Variants in ADH1B observed in about 807,000 individuals in gnomAD.
ADH1B encodes the protein alcohol dehydrogenase 1B (class I), beta polypeptide, also known as all-trans-retinol dehydrogenase [NAD(+)] ADH1B.
ADH1B carries 29 observed loss-of-function variants against 34.6 expected under a neutral mutation model. The observed-to-expected ratio is 0.84, with a 90% CI of 0.62 to 1.14. ADH1B has a LOEUF of 1.14. Among genes scored for constraint, ADH1B ranks in the 50% most tolerant of loss-of-function variants. ADH1B has a pLI of 0.00. For synonymous variants in ADH1B, 170 were observed against 175.5 expected (o/e 0.97, Z 0.25); for missense variants, 424 against 468.4 (o/e 0.91, Z 0.87).
intron 8 of ADH1B, among the ~76,000 whole-genome samples, chr4:99,308,275 T>C (rs1560525711): frequency 1.3e-5 from 2 of 151,346 alleles, no homozygotes; most frequent in Admixed American, 6.6e-5. Context: ...ACATCAACAC[T>C]AAGAGGTAGG....
intron 5 of ADH1B, 131 bp downstream of exon 5, chr4:99,315,767 G>A (rs1254385807): frequency 3.1e-5 from 35 of 1,113,566 alleles, no homozygotes; most frequent in Non-Finnish European, 4.3e-5. Context: ...ATTCTTTCTG[G>A]GCCATTTTTC....
chr4:99,313,562 A>C (rs1733803026), intron 6 of ADH1B: 1 of 474,182 alleles, frequency 2.1e-6, no homozygotes, highest in African/African-American at 2.0e-5. Flanking sequence ...TAATAAAGTA[A>C]ATCTATAATT....
intron 2 of ADH1B, 37 bp downstream of exon 2, chr4:99,318,748 A>T (rs1465026616): frequency 1.3e-6 from 2 of 1,570,930 alleles, no homozygotes; most frequent in Admixed American, 1.8e-5. Flanking sequence ...TGAGTTTTTT[A>T]AATGTAAAAT....
At chr4:99,314,500 C>T (rs1733830834) in intron 5 of ADH1B, 1 of 180,500 alleles carries the variant, frequency 5.5e-6, no homozygotes, top group Admixed American at 5.5e-5. Context: ...CCTTGATAGC[C>T]AGCTTCAGTA....
intron 8 of ADH1B, among the ~76,000 whole-genome samples, chr4:99,309,613 A>G (rs2110629520): frequency 6.6e-6 from 1 of 152,312 alleles, no homozygotes; most frequent in Non-Finnish European, 1.5e-5. Context: ...ACTGATAACT[A>G]ACCTTTGATG....
chr4:99,312,173 T>C (rs772468289), intron 6 of ADH1B, among the ~76,000 whole-genome samples: 12 of 152,234 alleles, frequency 7.9e-5, no homozygotes, highest in Non-Finnish European at 1.2e-4. Flanking sequence ...GAACATGTTC[T>C]GTAGTTAGAA....
chr4:99,308,087 T>C (rs773566704), intron 8 of ADH1B, among the ~76,000 whole-genome samples: 7 of 152,118 alleles, frequency 4.6e-5, no homozygotes, highest in Non-Finnish European at 5.9e-5. Context: ...CACAACATCC[T>C]GAGTATGCCT....
chr4:99,312,459 G>T (rs28914772), intron 6 of ADH1B, among the ~76,000 whole-genome samples: 6,679 of 152,166 alleles, frequency 0.044, 480 homozygotes, highest in African/African-American at 0.15. Context: ...TGATCTTAGG[G>T]TGCCACTCCC....
At chr4:99,318,746 T>C in intron 2 of ADH1B, 39 bp downstream of exon 2, 1 of 1,571,468 alleles carries the variant, frequency 6.4e-7, no homozygotes, top group Non-Finnish European at 8.7e-7. Flanking sequence ...TCTGAGTTTT[T>C]TAAATGTAAA....
rs754717581 is a variant in ADH1B at position 99,314,020 on chromosome 4, A to G, written c.629T>C (p.Met210Thr). ...GGCTGCTCCAGCTGCTTTACAGCCCATAACAGCAGATAGGCCGACCCCTCC... is the reference window on the plus strand; with the variant it reads ...GGCTGCTCCAGCTGCTTTACAGCCCGTAACAGCAGATAGGCCGACCCCTCC... ...GLGGVGLSAV[M>T]GCKAAGAARI... The change falls in exon 6 of 9, where the codon ATG becomes ACG. Residue 210 changes from methionine to threonine, a missense_variant. Transcript: ENST00000305046. The G allele has an allele frequency of 3.9e-5, 63 of 1,614,228 alleles. 1 individual carries two copies. In the South Asian group the frequency reaches 6.0e-4, roughly 15 times the overall value.
At position 99,305,991 on chromosome 4, in the gene ADH1B, G is replaced by A. The variant is rs1425781180; in HGVS notation, c.*1849C>T. On this transcript the variant is annotated 3_prime_UTR_variant, in exon 9 of 9. Transcript: ENST00000305046. ...ATTCTGAAAACTTTCTTGACCCTGA[G>A]TAACTCCTTCAGCATTTTCTTTTCT... The A allele has an allele frequency of 6.6e-6, 1 of 152,192 alleles. No homozygotes were observed. The highest frequency in any genetic ancestry group is 1.9e-4 in the East Asian group (1 of 5,184). The allele number at this position is 152,192 out of a possible 1,614,324, so 9.4% of individuals were successfully genotyped here. A position where few individuals can be genotyped will look rare whatever the true frequency, so the allele number is the denominator to read the frequency against.
Position 99,318,835 on chromosome 4 carries a change from T to G in ADH1B, c.70A>C (p.Ile24Leu). The G allele has an allele frequency of 6.2e-7, 1 of 1,613,958 alleles. No homozygotes were observed. The highest frequency in any genetic ancestry group is 8.5e-7 in the Non-Finnish European group (1 of 1,179,908). The change falls in exon 2 of 9, where the codon ATT becomes CTT. Residue 24 changes from isoleucine to leucine, a missense_variant. This residue lies in a region of ADH1B where 291 missense variants were observed against 300.4 expected (regional missense o/e 0.97). Transcript: ENST00000305046. ...VLWEVKKPFS[I>L]EDVEVAPPKA... ...GGAGGTGCAACCTCCACATCCTCAA[T>G]GGAAAAGGGTTTCTTTACCTCCCAT...
chr4:99,321,072 A>C (rs1170568739), intron 1 of ADH1B, among the ~76,000 whole-genome samples: 1 of 152,188 alleles, frequency 6.6e-6, no homozygotes, highest in Non-Finnish European at 1.5e-5. Flanking sequence ...AAATTTATTT[A>C]ATGTAGGAAA....
chr4:99,321,337 T>C lies in ADH1B; in HGVS notation c.-6A>G. ...ACTTTTCCTGCTGTGCTCATGTCGTTTCTGTCTTCTCTGCCCACCAGCAGA... is the reference window on the plus strand; with the variant it reads ...ACTTTTCCTGCTGTGCTCATGTCGTCTCTGTCTTCTCTGCCCACCAGCAGA... On this transcript the variant is annotated 5_prime_UTR_variant, in exon 1 of 9. Transcript: ENST00000305046. The C allele has an allele frequency of 6.2e-7, 1 of 1,611,028 alleles. No individual in the cohort carries two copies. Among genetic ancestry groups the C allele is most frequent in the Non-Finnish European group, 8.5e-7 (1 of 1,178,060 alleles).
intron 3 of ADH1B, 159 bp from the exon 4 acceptor site, chr4:99,316,461 G>T: frequency 1.2e-6 from 1 of 816,558 alleles, no homozygotes. Context: ...GCCTGCCACA[G>T]CATTGTTTTC....
chr4:99,308,379 G>A (rs989446458), intron 8 of ADH1B, among the ~76,000 whole-genome samples: 1 of 148,260 alleles, frequency 6.7e-6, no homozygotes, highest in Non-Finnish European at 1.5e-5. Flanking sequence ...GGAGTGTTGG[G>A]ATTCAAACCC....
intron 8 of ADH1B, among the ~76,000 whole-genome samples, chr4:99,309,253 G>A (rs572926156): frequency 6.6e-6 from 1 of 152,120 alleles, no homozygotes; most frequent in Admixed American, 6.5e-5. Context: ...TGGAATTGCT[G>A]GGGCAAAGGA....
chr4:99,307,980 C>A (rs1249058367), intron 8 of ADH1B, 116 bp from the exon 9 acceptor site: 12 of 1,348,662 alleles, frequency 8.9e-6, no homozygotes, highest in Admixed American at 2.0e-5. Context: ...ATCCCAGCTA[C>A]CCTATTTCCA....
intron 8 of ADH1B, 110 bp from the exon 9 acceptor site, chr4:99,307,974 C>A: frequency 7.1e-7 from 1 of 1,409,132 alleles, no homozygotes; most frequent in East Asian, 2.3e-5. Context: ...TCTGTGATCC[C>A]AGCTACCCTA....
Sources: gnomAD v4.1 joint callset for allele counts (sites outside exome capture counted in the v4.1 genomes callset) on GRCh38, gnomAD v4.1.1 for gene constraint, gnomAD v4.1.1 regional missense constraint, MANE v1.5 for transcripts, NCBI Gene and HGNC (gene_info 2026-07-23, HGNC 2026-07-21) for gene names.